Variants in DHRSX observed in about 807,000 individuals in gnomAD.
DHRSX encodes polyprenol dehydrogenase.
A neutral mutation model predicts 34.0 loss-of-function variants in DHRSX; 31 were observed. The ratio of observed to expected loss-of-function variants is 0.91; its 90% CI spans 0.69 to 1.23. The LOEUF is 1.23. Among genes scored for constraint, DHRSX ranks in the 50% most tolerant of loss-of-function variants. The pLI, the probability that DHRSX is intolerant of heterozygous loss-of-function variation, is 0.00. For synonymous variants in DHRSX, 201 were observed against 183.8 expected, an observed-to-expected ratio of 1.09 and a Z score of -0.76; for missense variants, 414 against 428.1, an observed-to-expected ratio of 0.97 and a Z score of 0.29.
intron 3 of DHRSX, among the ~76,000 whole-genome samples, chrX:2,306,076 T>C (rs1199022186): frequency 1.3e-5 from 2 of 152,120 alleles, no homozygotes; most frequent in Non-Finnish European, 2.9e-5. Flanking sequence ...CACATGTTTA[T>C]CTATGTACAA....
In DHRSX at chrX:2,244,647, T is replaced by G. The variant is rs533014854; in HGVS notation, c.597-1417A>C. 3.3e-5 allele frequency among the ~76,000 whole-genome samples: 5 copies of G among 152,122 alleles called. No homozygotes were observed. In the East Asian group the frequency reaches 7.7e-4, roughly 23 times the overall value. On this transcript the variant is annotated intron_variant, in intron 5 of 6. Transcript: ENST00000334651. ...TGCTACACAATTATCGTAACAACAT[T>G]TCAAGGTGGCTGAAGGTTCATATCG...
chrX:2,448,332 A>G (rs759871916), intron 1 of DHRSX, among the ~76,000 whole-genome samples: 3 of 152,268 alleles, frequency 2.0e-5, no homozygotes, highest in South Asian at 4.1e-4. Flanking sequence ...GACTGTCTCA[A>G]AAAAATATAA....
At chrX:2,305,651 T>C (rs1209530860) in intron 3 of DHRSX, among the ~76,000 whole-genome samples, 2 of 152,144 alleles carry the variant, frequency 1.3e-5, no homozygotes, top group Non-Finnish European at 2.9e-5. Flanking sequence ...CATGGACTAC[T>C]ATGCAGACAT....
chrX:2,292,175 T>C (rs1159331202), intron 3 of DHRSX, among the ~76,000 whole-genome samples: 1 of 152,056 alleles, frequency 6.6e-6, no homozygotes, highest in East Asian at 1.9e-4. Flanking sequence ...CTCCTGACCT[T>C]GATGTGAGCT....
chrX:2,407,929 C>A lies in DHRSX; in HGVS notation c.286+816G>T, dbSNP rs776961838. Among the ~76,000 whole-genome samples, 315 of 152,000 alleles carry A rather than the reference C, an allele frequency of 2.1e-3. 2 individuals carry two copies. Among genetic ancestry groups the A allele is most frequent in the Middle Eastern group, 0.014 (4 of 294 alleles). On this transcript the variant is annotated intron_variant, in intron 3 of 6. Transcript: ENST00000334651. Reference sequence around the variant, plus strand: ...TGTACTTGCACTCCCTACCTGTATACAAATGAAAAATAAAATAATAAATAA... The same window carrying A: ...TGTACTTGCACTCCCTACCTGTATAAAAATGAAAAATAAAATAATAAATAA...
rs766110048 is a variant in DHRSX at position 2,387,477 on chromosome X, G to GT, written c.286+21267dup. ...CCAAAGCTGAAGAACTTGGAGTCCA[G>GT]TTTTCCAGGGCAGGAAGTATCCAGC... On this transcript the variant is annotated intron_variant, in intron 3 of 6. Coordinates refer to ENST00000334651, the MANE Select transcript of DHRSX (RefSeq NM_145177.3). Among the ~76,000 whole-genome samples the GT allele has an allele frequency of 1.9e-3, 282 of 152,312 alleles. 2 individuals carry two copies. The highest frequency in any genetic ancestry group is 2.7e-3 in the Non-Finnish European group (181 of 68,024).
At chrX:2,233,926 C>T (rs1255653099) in intron 6 of DHRSX, among the ~76,000 whole-genome samples, 7 of 152,238 alleles carry the variant, frequency 4.6e-5, no homozygotes, top group Non-Finnish European at 7.4e-5. Flanking sequence ...TATATTCTGT[C>T]GGCAATGTTC....
chrX:2,346,087 C>T (rs1238281620), intron 3 of DHRSX, among the ~76,000 whole-genome samples: 1 of 152,102 alleles, frequency 6.6e-6, no homozygotes, highest in Non-Finnish European at 1.5e-5. Flanking sequence ...GAATTTCATC[C>T]AGGAAAGCTC....
chrX:2,484,539 A>G (rs1299540113), intron 1 of DHRSX, among the ~76,000 whole-genome samples: 1 of 152,210 alleles, frequency 6.6e-6, no homozygotes, highest in Non-Finnish European at 1.5e-5. Flanking sequence ...TCTGGAAGAA[A>G]CGAGCCAAAC....
intron 6 of DHRSX, among the ~76,000 whole-genome samples, chrX:2,241,166 G>C (rs1053783422): frequency 5.3e-5 from 8 of 152,120 alleles, no homozygotes; most frequent in African/African-American, 1.9e-4. Flanking sequence ...CCTGGTGATA[G>C]AGCTAGACTC....
At chrX:2,485,526 G>GAAGGGAGGGAGGGAGAA (rs1404964528) in intron 1 of DHRSX, among the ~76,000 whole-genome samples, 4 of 141,362 alleles carry the variant, frequency 2.8e-5, no homozygotes, top group Non-Finnish European at 4.6e-5. Flanking sequence ...AACGAAAGAG[G>GAAGGGAGGGAGGGAGAA]AAGGGAGGGA....
At chrX:2,488,937 G>T (rs1437890977) in intron 1 of DHRSX, 1 of 1,598,944 alleles carries the variant, frequency 6.3e-7, no homozygotes, top group Non-Finnish European at 8.5e-7. Context: ...AAGAGGGCCA[G>T]GCGGTCTGAC....
chrX:2,286,169 G>A (rs961765058), intron 4 of DHRSX, among the ~76,000 whole-genome samples: 10 of 151,962 alleles, frequency 6.6e-5, no homozygotes, highest in African/African-American at 2.4e-4. Flanking sequence ...TGCAATAAAT[G>A]AGAAAAATAC....
chrX:2,245,185 T>C (rs1211124471), intron 5 of DHRSX, among the ~76,000 whole-genome samples: 1 of 152,168 alleles, frequency 6.6e-6, no homozygotes, highest in Non-Finnish European at 1.5e-5. Flanking sequence ...GATAGATGCA[T>C]ATCTGATCAC....
intron 3 of DHRSX, among the ~76,000 whole-genome samples, chrX:2,319,142 C>T (rs1356650176): frequency 6.6e-6 from 1 of 152,032 alleles, no homozygotes; most frequent in Non-Finnish European, 1.5e-5. Flanking sequence ...GGACAACATA[C>T]ATCTGAACTG....
intron 5 of DHRSX, among the ~76,000 whole-genome samples, chrX:2,246,706 G>GAGAA (rs997986324): frequency 0.13 from 14,394 of 107,292 alleles, 1,122 homozygotes; most frequent in East Asian, 0.2. Flanking sequence ...AAGAAAGAAA[G>GAGAA]AGAAAGAAAG....
chrX:2,420,078 A>T (rs906441615), intron 2 of DHRSX, among the ~76,000 whole-genome samples: 11 of 152,200 alleles, frequency 7.2e-5, no homozygotes, highest in African/African-American at 1.2e-4. Context: ...TGACAATTTC[A>T]AGAAATTGTC....
At chrX:2,229,053 C>T (rs1394210309) in intron 6 of DHRSX, among the ~76,000 whole-genome samples, 3 of 152,170 alleles carry the variant, frequency 2.0e-5, no homozygotes, top group African/African-American at 7.2e-5. Flanking sequence ...CTGCAAGGCA[C>T]GCAGAGGCTC....
At chrX:2,312,921 C>T (rs956272676) in intron 3 of DHRSX, among the ~76,000 whole-genome samples, 2 of 152,090 alleles carry the variant, frequency 1.3e-5, no homozygotes, top group African/African-American at 4.8e-5. Context: ...GCTCCACTTC[C>T]TTAACCAATT....
Sources: gnomAD v4.1 joint callset for allele counts (sites outside exome capture counted in the v4.1 genomes callset) on GRCh38, gnomAD v4.1.1 for gene constraint, MANE v1.5 for transcripts, NCBI Gene and HGNC (gene_info 2026-07-23, HGNC 2026-07-21) for gene names.